Variants in GARIN1A observed in about 807,000 individuals in gnomAD.
GARIN1A encodes the protein golgi associated RAB2 interactor 1A.
chr7:128,687,925 T>C, the GARIN1A span: 1 of 152,256 alleles, frequency 6.6e-6, no homozygotes, highest in Admixed American at 6.5e-5. Flanking sequence ...ATCAACCTGC[T>C]TGCTTGCCTA....
chr7:128,672,428 G>A, the GARIN1A span: 9 of 1,609,274 alleles, frequency 5.6e-6, no homozygotes, highest in East Asian at 2.2e-5. Context: ...CCCACCTGAG[G>A]TCAGGGAACC....
At chr7:128,681,352 A>G in the GARIN1A span, among the ~76,000 whole-genome samples, 1 of 152,048 alleles carries the variant, frequency 6.6e-6, no homozygotes, top group Non-Finnish European at 1.5e-5. Context: ...CCTAATATTT[A>G]AAGCTACCTT....
At chr7:128,677,856 T>A in the GARIN1A span, 1 of 1,520,028 alleles carries the variant, frequency 6.6e-7, no homozygotes, top group Non-Finnish European at 8.9e-7. Context: ...AATAAGTATA[T>A]ATAAGTATAT....
At chr7:128,687,208 A>C in the GARIN1A span, 1 of 152,216 alleles carries the variant, frequency 6.6e-6, no homozygotes, top group Non-Finnish European at 1.5e-5. Context: ...GCATTTTTAT[A>C]GCATTTCTCA....
At chr7:128,676,520 C>T in the GARIN1A span, among the ~76,000 whole-genome samples, 2 of 151,542 alleles carry the variant, frequency 1.3e-5, no homozygotes, top group Non-Finnish European at 2.9e-5. Context: ...AATATCATTT[C>T]GATAATTTCT....
At chr7:128,704,549 T>C in the GARIN1A span, among the ~76,000 whole-genome samples, 9 of 152,052 alleles carry the variant, frequency 5.9e-5, no homozygotes, top group South Asian at 4.2e-4. Flanking sequence ...AGGTAATCTG[T>C]CTACCTCAGC....
chr7:128,687,554 G>A, the GARIN1A span: 7 of 152,184 alleles, frequency 4.6e-5, no homozygotes, highest in Non-Finnish European at 5.9e-5. Context: ...TTAGGGGAAC[G>A]GTTATCTGGT....
chr7:128,673,482 A>G, the GARIN1A span, among the ~76,000 whole-genome samples: 563 of 152,282 alleles, frequency 3.7e-3, 2 homozygotes, highest in African/African-American at 0.013. Flanking sequence ...AGCGGGGAGG[A>G]TATCCCAGAC....
At chr7:128,700,950 A>G in the GARIN1A span, among the ~76,000 whole-genome samples, 12 of 152,234 alleles carry the variant, frequency 7.9e-5, no homozygotes, top group African/African-American at 2.9e-4. Context: ...TTGTCCCTCA[A>G]TATCCACAGG....
At chr7:128,680,872 C>G in the GARIN1A span, among the ~76,000 whole-genome samples, 1 of 152,174 alleles carries the variant, frequency 6.6e-6, no homozygotes, top group Admixed American at 6.6e-5. Flanking sequence ...TGGTCCTCAC[C>G]AGCCTCTTCT....
At chr7:128,678,319 C>T in the GARIN1A span, among the ~76,000 whole-genome samples, 1 of 151,936 alleles carries the variant, frequency 6.6e-6, no homozygotes, top group Non-Finnish European at 1.5e-5. Context: ...CTGTGCCTGG[C>T]CTGTATTTGT....
At chr7:128,682,723 G>A in the GARIN1A span, among the ~76,000 whole-genome samples, 5 of 151,944 alleles carry the variant, frequency 3.3e-5, no homozygotes, top group African/African-American at 9.7e-5. Flanking sequence ...AATTACAGGC[G>A]TGTGCCACAT....
At chr7:128,692,162 C>T in the GARIN1A span, among the ~76,000 whole-genome samples, 2 of 152,312 alleles carry the variant, frequency 1.3e-5, no homozygotes, top group East Asian at 3.9e-4. Context: ...TCTACGTGTA[C>T]ACCCATGAAG....
At chr7:128,675,579 AC>A in the GARIN1A span, 6 of 1,310,464 alleles carry the variant, frequency 4.6e-6, no homozygotes, top group Non-Finnish European at 6.5e-6. Context: ...GTGTGTGCAC[AC>A]CTGCCCCCAA....
At chr7:128,675,342 A>G in the GARIN1A span, among the ~76,000 whole-genome samples, 1 of 152,178 alleles carries the variant, frequency 6.6e-6, no homozygotes, top group African/African-American at 2.4e-5. Context: ...GGCCACTAGA[A>G]ACCAGTGCTG....
At chr7:128,687,586 A>G in the GARIN1A span, 4 of 152,210 alleles carry the variant, frequency 2.6e-5, no homozygotes, top group Admixed American at 1.3e-4. Flanking sequence ...ACAAATTTCC[A>G]TGGCAGTCTC....
chr7:128,677,927 A>T, the GARIN1A span: 1 of 915,448 alleles, frequency 1.1e-6, no homozygotes, highest in Non-Finnish European at 1.6e-6. Context: ...CTCTTTGTAA[A>T]TATCATTTTG....
At chr7:128,683,509 T>A in the GARIN1A span, 4 of 148,704 alleles carry the variant, frequency 2.7e-5, no homozygotes, top group African/African-American at 1.0e-4. Flanking sequence ...TCTTGCTCTG[T>A]CTCCAGGCTG....
the GARIN1A span, chr7:128,683,097 A>C: frequency 6.2e-7 from 1 of 1,612,710 alleles, no homozygotes; most frequent in South Asian, 1.1e-5. Flanking sequence ...AGAGGACTGG[A>C]ATGAGCACCT....
Sources: gnomAD v4.1 joint callset for allele counts (sites outside exome capture counted in the v4.1 genomes callset) on GRCh38, gnomAD v4.1.1 for gene constraint, MANE v1.5 for transcripts, NCBI Gene and HGNC (gene_info 2026-07-23, HGNC 2026-07-21) for gene names.